The following SEMA5A variants were observed in gnomAD, a reference collection of about 807,000 sequenced individuals.
SEMA5A encodes semaphorin-5A.
SEMA5A carries 55 observed loss-of-function variants against 135.5 expected under a neutral mutation model. The observed-to-expected ratio is 0.41, with a 90% CI of 0.33 to 0.51. SEMA5A has a LOEUF of 0.51. SEMA5A is among the 20% of genes least tolerant of loss of function. The probability of loss-of-function intolerance (pLI) is 0.37; values close to 1 mark genes in which losing one functional copy is unlikely to be tolerated. For synonymous variants in SEMA5A, 580 were observed against 546.5 expected, an observed-to-expected ratio of 1.06 and a Z score of -0.85; for missense variants, 1,290 against 1,419.9, an observed-to-expected ratio of 0.91 and a Z score of 1.47.
At chr5:9,341,411 T>A (rs534877791) in intron 3 of SEMA5A, among the ~76,000 whole-genome samples, 9 of 151,960 alleles carry the variant, frequency 5.9e-5, no homozygotes, top group Admixed American at 3.3e-4. Flanking sequence ...AAATAGAAGA[T>A]CTAAAAGAGT....
chr5:9,142,736 G>A (rs1742133432), intron 12 of SEMA5A, among the ~76,000 whole-genome samples: 1 of 152,194 alleles, frequency 6.6e-6, no homozygotes, highest in African/African-American at 2.4e-5. Context: ...GGAGCTAAAG[G>A]TGGCTAGATC....
chr5:9,398,070 T>G (rs1339064602), intron 2 of SEMA5A, among the ~76,000 whole-genome samples: 1 of 152,282 alleles, frequency 6.6e-6, no homozygotes, highest in South Asian at 2.1e-4. Context: ...TATGCCCAAC[T>G]TCTCTACAGG....
chr5:9,419,579 TG>T (rs1757393784), intron 2 of SEMA5A, among the ~76,000 whole-genome samples: 1 of 152,190 alleles, frequency 6.6e-6, no homozygotes, highest in South Asian at 2.1e-4. Flanking sequence ...TGCACACATC[TG>T]GTCAACCTCT....
In SEMA5A at chr5:9,066,464, C is replaced by A. The variant is rs369672845; in HGVS notation, c.2256G>T (p.Met752Ile). ...LLEVGRQRIE[M>I]RYCSSDGTSG... is the part of the protein sequence containing the mutation. ...TGGTGCCGTCGCTAGAACAGTACCG[C>A]ATTTCGATTCTCTGTCTTCCCACTT... The change falls in exon 17 of 23, where the codon ATG (methionine) becomes ATT (isoleucine). Residue 752 changes from methionine to isoleucine, a missense_variant. By Grantham distance (10) the Met-to-Ile change is conservative. This residue lies in a region of SEMA5A where 1,029 missense variants were observed against 1,086.6 expected (regional missense o/e 0.95). Transcript: ENST00000382496. 9 of 1,614,132 alleles carry A rather than the reference C, an allele frequency of 5.6e-6. No homozygotes were observed. The African/African-American group carries it at 1.2e-4, about 22-fold the overall frequency.
chr5:9,051,931 C>T lies in SEMA5A; in HGVS notation c.2787G>A (p.Gln929=), dbSNP rs1265336510. The change falls in exon 20 of 23, where the codon CAG becomes CAA. Residue 929 remains glutamine, a synonymous_variant. Transcript: ENST00000382496. ...QCILLFPMGS[Q]CSGNTTESRP... ...GGCTCTCCGTGGTGTTCCCGGAGCA[C>T]TGGCTGCCCATGGGGAACAGGAGGA... is the stretch of plus-strand genomic sequence containing the variant. 9.9e-6 allele frequency: 16 copies of T among 1,614,084 alleles called. No homozygotes were observed. Among genetic ancestry groups the T allele is most frequent in the Non-Finnish European group, 1.3e-5 (15 of 1,180,054 alleles).
intron 14 of SEMA5A, among the ~76,000 whole-genome samples, chr5:9,121,647 T>C (rs1740817582): frequency 6.6e-6 from 1 of 152,182 alleles, no homozygotes; most frequent in Non-Finnish European, 1.5e-5. Context: ...ATAGAAAGCA[T>C]ACAGTACATA....
intron 5 of SEMA5A, among the ~76,000 whole-genome samples, chr5:9,272,007 G>A (rs944076961): frequency 1.2e-4 from 18 of 152,196 alleles, no homozygotes; most frequent in African/African-American, 3.9e-4. Flanking sequence ...GAGCACCAGC[G>A]AGACAGAATC....
At chr5:9,222,841 C>A (rs1747082806) in intron 8 of SEMA5A, among the ~76,000 whole-genome samples, 1 of 152,228 alleles carries the variant, frequency 6.6e-6, no homozygotes, top group Admixed American at 6.5e-5. Context: ...GGTGGTCACT[C>A]AGTCACATGT....
intron 11 of SEMA5A, among the ~76,000 whole-genome samples, chr5:9,162,551 T>C (rs1217473266): frequency 4.4e-5 from 1 of 22,876 alleles, no homozygotes; most frequent in South Asian, 9.7e-4. Flanking sequence ...TGTGTATATA[T>C]GTGTGTGTGT....
chr5:9,244,597 G>A (rs906612923), intron 5 of SEMA5A, among the ~76,000 whole-genome samples: 2 of 152,194 alleles, frequency 1.3e-5, no homozygotes, highest in Non-Finnish European at 2.9e-5. Flanking sequence ...CTGCACTTGG[G>A]CAGGCAGCTT....
At chr5:9,178,638 C>G (rs1240606129) in intron 11 of SEMA5A, among the ~76,000 whole-genome samples, 1 of 152,088 alleles carries the variant, frequency 6.6e-6, no homozygotes, top group Non-Finnish European at 1.5e-5. Flanking sequence ...CAGATAAGCT[C>G]TCTTTTAAGA....
intron 5 of SEMA5A, among the ~76,000 whole-genome samples, chr5:9,279,636 T>C (rs186500084): frequency 1.7e-3 from 254 of 152,112 alleles, no homozygotes; most frequent in South Asian, 8.7e-3. Flanking sequence ...TAGTGGAAGG[T>C]GATTGGATCA....
At chr5:9,405,905 G>A (rs776993481) in intron 2 of SEMA5A, among the ~76,000 whole-genome samples, 1 of 152,090 alleles carries the variant, frequency 6.6e-6, no homozygotes, top group Non-Finnish European at 1.5e-5. Context: ...CATCATATAA[G>A]GTCACAAGTG....
intron 6 of SEMA5A, among the ~76,000 whole-genome samples, chr5:9,237,253 G>T (rs750763726): frequency 3.3e-5 from 5 of 152,130 alleles, no homozygotes; most frequent in African/African-American, 1.2e-4. Flanking sequence ...AAAGAATCAC[G>T]CATCTTTTTG....
At chr5:9,275,516 G>A (rs898993484) in intron 5 of SEMA5A, among the ~76,000 whole-genome samples, 2 of 151,958 alleles carry the variant, frequency 1.3e-5, no homozygotes, top group African/African-American at 4.8e-5. Context: ...AAAACCTGCA[G>A]AGACACAATA....
In SEMA5A at chr5:9,443,479, G is replaced by T. The variant is rs2126684752; in HGVS notation, c.-174-5627C>A. 2.0e-5 allele frequency among the ~76,000 whole-genome samples: 3 copies of T among 152,248 alleles called. No individual in the cohort carries two copies. In the South Asian group the frequency reaches 6.2e-4, roughly 32 times the overall value. On this transcript the variant is annotated intron_variant, in intron 1 of 22. Transcript: ENST00000382496. Reference sequence around the variant, plus strand: ...ATGATATAATCTATCATTATAAAATGGACTTTTATTGTTTCCTTCAACTTT... The same window carrying T: ...ATGATATAATCTATCATTATAAAATTGACTTTTATTGTTTCCTTCAACTTT...
At chr5:9,300,162 G>T (rs1236773672) in intron 5 of SEMA5A, among the ~76,000 whole-genome samples, 2 of 151,988 alleles carry the variant, frequency 1.3e-5, no homozygotes, top group African/African-American at 4.8e-5. Context: ...CATGTAGCTG[G>T]ACCTACAGGC....
intron 1 of SEMA5A, among the ~76,000 whole-genome samples, chr5:9,533,503 T>C (rs1737574913): frequency 1.3e-5 from 2 of 152,250 alleles, no homozygotes; most frequent in South Asian, 4.1e-4. Context: ...AAAATATTCA[T>C]CTAAAATATT....
At chr5:9,349,188 C>T (rs1579388824) in intron 3 of SEMA5A, among the ~76,000 whole-genome samples, 1 of 152,290 alleles carries the variant, frequency 6.6e-6, no homozygotes, top group East Asian at 1.9e-4. Flanking sequence ...TGCCGAAGTA[C>T]AGATTCTATC....
Sources: allele counts gnomAD v4.1 joint callset (sites outside exome capture counted in the v4.1 genomes callset), GRCh38; gene constraint gnomAD v4.1.1; regional missense constraint gnomAD v4.1.1; transcripts MANE v1.5; gene names NCBI Gene and HGNC (gene_info 2026-07-23, HGNC 2026-07-21).